Variants in RBP7 observed in about 807,000 individuals in gnomAD.
The protein encoded by RBP7 is retinoid-binding protein 7.
A neutral mutation model predicts 16.7 loss-of-function variants in RBP7; 13 were observed. The observed-to-expected ratio is 0.78, with a 90% confidence interval of 0.51 to 1.24. The LOEUF (loss-of-function observed/expected upper bound fraction) is 1.24. Among genes scored for constraint, RBP7 ranks in the 50% most tolerant of loss-of-function variants. The pLI is 0.00. For synonymous variants in RBP7, 54 were observed against 56.2 expected, an observed-to-expected ratio of 0.96 and a Z score of 0.17; for missense variants, 145 against 159.5, an observed-to-expected ratio of 0.91 and a Z score of 0.49.
At chr1:10,001,040 CT>C (rs1227058735) in intron 1 of RBP7, among the ~76,000 whole-genome samples, 2 of 152,106 alleles carry the variant, frequency 1.3e-5, no homozygotes, top group Admixed American at 1.3e-4. Context: ...GGCTGATTGC[CT>C]CTTTTTTAGT....
chr1:10,002,246 G>T (rs1388805993), intron 1 of RBP7, among the ~76,000 whole-genome samples: 1 of 152,130 alleles, frequency 6.6e-6, no homozygotes, highest in Non-Finnish European at 1.5e-5. Flanking sequence ...ATGTACGTTT[G>T]TGTGGACTCC....
intron 3 of RBP7, among the ~76,000 whole-genome samples, chr1:10,010,629 G>A (rs962454994): frequency 6.8e-6 from 1 of 148,004 alleles, no homozygotes; most frequent in Non-Finnish European, 1.5e-5. Context: ...TTGTTGCCCA[G>A]GCTAGAGTAC....
At chr1:10,012,240 G>A (rs531105591) in intron 3 of RBP7, among the ~76,000 whole-genome samples, 14 of 148,330 alleles carry the variant, frequency 9.4e-5, no homozygotes, top group African/African-American at 1.7e-4. Flanking sequence ...AAAATTAGCC[G>A]GGCTGTGGCA....
chr1:10,004,499 T>C (rs1296681843), intron 1 of RBP7, among the ~76,000 whole-genome samples: 6 of 150,514 alleles, frequency 4.0e-5, no homozygotes, highest in Non-Finnish European at 7.4e-5. Flanking sequence ...CCTCAGCCTC[T>C]GGAGTAGCTG....
intron 1 of RBP7, among the ~76,000 whole-genome samples, chr1:10,000,185 G>A (rs1373397561): frequency 3.3e-5 from 5 of 151,838 alleles, no homozygotes; most frequent in South Asian, 4.1e-4. Context: ...CCGAGATTGC[G>A]CCATTGCACT....
chr1:10,010,912 A>G (rs950262445), intron 3 of RBP7, among the ~76,000 whole-genome samples: 6 of 152,030 alleles, frequency 3.9e-5, no homozygotes, highest in African/African-American at 1.4e-4. Context: ...CATTTTTAGT[A>G]GAGACATGGT....
chr1:10,004,695 T>C (rs924725200), intron 1 of RBP7, among the ~76,000 whole-genome samples: 3 of 152,198 alleles, frequency 2.0e-5, no homozygotes, highest in African/African-American at 7.2e-5. Flanking sequence ...CTAAACTCAT[T>C]GTTAGTCTAA....
At chr1:10,007,540 G>A (rs1230899361) in intron 1 of RBP7, 30 bp from the exon 2 acceptor site, 3 of 1,480,030 alleles carry the variant, frequency 2.0e-6, no homozygotes, top group East Asian at 4.9e-5. Context: ...TCAAGCGAAT[G>A]TTCAAATATT....
At chr1:10,005,248 C>T (rs980465999) in intron 1 of RBP7, among the ~76,000 whole-genome samples, 13 of 152,188 alleles carry the variant, frequency 8.5e-5, no homozygotes, top group African/African-American at 2.9e-4. Flanking sequence ...AGTTTTACTC[C>T]GTCCCCAGGC....
intron 3 of RBP7, among the ~76,000 whole-genome samples, chr1:10,010,441 G>T (rs1169930234): frequency 1.3e-5 from 2 of 151,806 alleles, no homozygotes; most frequent in Non-Finnish European, 2.9e-5. Context: ...TTTTGAGACA[G>T]AGTCTCCCTC....
intron 3 of RBP7, among the ~76,000 whole-genome samples, chr1:10,008,534 G>C (rs1642513129): frequency 6.7e-6 from 1 of 150,368 alleles, no homozygotes; most frequent in East Asian, 2.0e-4. Context: ...TCCACCTCCT[G>C]GGTCCAAGCG....
At chr1:10,011,176 C>A (rs1642606317) in intron 3 of RBP7, among the ~76,000 whole-genome samples, 1 of 151,748 alleles carries the variant, frequency 6.6e-6, no homozygotes, top group Non-Finnish European at 1.5e-5. Flanking sequence ...ATTTTTCTTC[C>A]CCCTCATTCT....
intron 1 of RBP7, among the ~76,000 whole-genome samples, chr1:10,000,158 G>A (rs967759999): frequency 3.9e-5 from 6 of 152,066 alleles, no homozygotes; most frequent in African/African-American, 1.2e-4. Flanking sequence ...AACCCAGAAG[G>A]TGGAGGTTGC....
chr1:10,007,313 A>G, intron 1 of RBP7: 1 of 417,606 alleles, frequency 2.4e-6, no homozygotes, highest in Non-Finnish European at 4.3e-6. Flanking sequence ...CAAACTCCTA[A>G]GCTCAAACAA....
intron 3 of RBP7, among the ~76,000 whole-genome samples, chr1:10,013,165 T>C (rs1279754918): frequency 6.7e-6 from 1 of 149,712 alleles, no homozygotes; most frequent in Non-Finnish European, 1.5e-5. Flanking sequence ...CTCCTCCTCC[T>C]GGGTTCAAGT....
chr1:9,999,353 C>T (rs1020034736), intron 1 of RBP7, among the ~76,000 whole-genome samples: 1 of 151,990 alleles, frequency 6.6e-6, no homozygotes, highest in Non-Finnish European at 1.5e-5. Flanking sequence ...TCAAGACCAG[C>T]CTGGCCAACA....
intron 1 of RBP7, among the ~76,000 whole-genome samples, chr1:10,002,079 C>T (rs148469266): frequency 0.011 from 1,718 of 152,172 alleles, 33 homozygotes; most frequent in African/African-American, 0.039. Context: ...CTGCCTGCCT[C>T]GGCCTCCTAA....
intron 3 of RBP7, among the ~76,000 whole-genome samples, chr1:10,009,274 G>A (rs567654832): frequency 6.6e-6 from 1 of 152,234 alleles, no homozygotes; most frequent in South Asian, 2.1e-4. Context: ...GCTGGGCATG[G>A]TGGCACATGT....
intron 3 of RBP7, among the ~76,000 whole-genome samples, chr1:10,008,587 C>A (rs1367364317): frequency 6.6e-6 from 1 of 151,388 alleles, no homozygotes; most frequent in Non-Finnish European, 1.5e-5. Flanking sequence ...ACTACAGGCA[C>A]GCACCACCAC....
Sources: allele counts gnomAD v4.1 joint callset (sites outside exome capture counted in the v4.1 genomes callset), GRCh38; gene constraint gnomAD v4.1.1; transcripts MANE v1.5; gene names NCBI Gene and HGNC (gene_info 2026-07-23, HGNC 2026-07-21).